The following N4BP2L1 variants were observed in gnomAD, a reference collection of about 807,000 sequenced individuals.
N4BP2L1 encodes the protein NEDD4-binding protein 2-like 1.
N4BP2L1 carries 12 observed loss-of-function variants against 21.2 expected under a neutral mutation model. That is an observed-to-expected ratio of 0.57 (90% CI 0.36 to 0.92). The LOEUF is 0.92. Ranked by LOEUF, N4BP2L1 falls within the 40% of genes least tolerant of loss-of-function variation. N4BP2L1 has a pLI of 0.01. For missense variants in N4BP2L1, 259 were observed against 310.6 expected (o/e 0.83, Z 1.25); for synonymous variants, 104 against 112.8 (o/e 0.92, Z 0.49).
chr13:32,410,944 A>C (rs7331638), intron 1 of N4BP2L1, among the ~76,000 whole-genome samples: 4,724 of 151,968 alleles, frequency 0.031, 265 homozygotes, highest in African/African-American at 0.11. Context: ...GTTTTTGAAC[A>C]TTTTCAGACT....
intron 1 of N4BP2L1, among the ~76,000 whole-genome samples, chr13:32,423,251 G>A (rs1001866163): frequency 6.6e-6 from 1 of 152,170 alleles, no homozygotes; most frequent in Non-Finnish European, 1.5e-5. Context: ...TTCTCATGAT[G>A]GAAAATTCCA....
rs1380631750 is a variant in N4BP2L1 at position 32,428,019 on chromosome 13, G to A, written c.64C>T (p.Arg22Trp). ...LSLQPQQQQQ[R>W]QRPPRPPPRG... is the part of the protein sequence containing the mutation. ...GGGGGCGGCCGGGGCGGCCGCTGCCGCTGCTGCTGCTGCTGGGGCTGGAGG... is the reference window on the plus strand; with the variant it reads ...GGGGGCGGCCGGGGCGGCCGCTGCCACTGCTGCTGCTGCTGGGGCTGGAGG... The change falls in exon 1 of 5, where the codon CGG (arginine) becomes TGG (tryptophan). Residue 22 changes from arginine (R) to tryptophan (W), a missense_variant. By Grantham distance (101) the Arg-to-Trp change is moderately radical. Coordinates refer to ENST00000380130, the MANE Select transcript of N4BP2L1 (RefSeq NM_052818.3). 1.3e-6 allele frequency: 2 copies of A among 1,523,542 alleles called. No homozygotes were observed. Among genetic ancestry groups the A allele is most frequent in the Non-Finnish European group, 8.8e-7 (1 of 1,134,278 alleles). The allele number at this position is 1,523,542 out of a possible 1,614,324, so 94.4% of individuals were successfully genotyped here.
At position 32,401,588 on chromosome 13, in the gene N4BP2L1, C is replaced by T. The variant is rs1269410623; in HGVS notation, c.*1354G>A. On this transcript the variant is annotated 3_prime_UTR_variant, in exon 5 of 5. Transcript: ENST00000380130. The stretch of plus-strand genomic sequence containing the variant: ...ATTATAAGGCTGCTTTTGTCATTAC[C>T]TTTACGATTCCTATTTATTAAAAAA... The T allele has an allele frequency of 2.0e-5, 3 of 152,304 alleles. No homozygotes were observed. The highest frequency in any genetic ancestry group is 7.3e-5 in the African/African-American group (3 of 41,374). 9.4% of individuals were successfully genotyped at this position (152,304 alleles called of 1,614,324 possible).
chr13:32,406,493 G>A (rs1157396876), intron 3 of N4BP2L1: 1 of 151,630 alleles, frequency 6.6e-6, no homozygotes, highest in African/African-American at 2.4e-5. Context: ...TTTTGAGATG[G>A]AATTTCACTC....
At chr13:32,417,258 G>T (rs1321306403) in intron 1 of N4BP2L1, among the ~76,000 whole-genome samples, 1 of 152,170 alleles carries the variant, frequency 6.6e-6, no homozygotes, top group Admixed American at 6.5e-5. Flanking sequence ...ATCTTTAATT[G>T]TAGTTCCCAT....
chr13:32,407,503 G>A, intron 2 of N4BP2L1, 142 bp downstream of exon 2: 1 of 1,583,246 alleles, frequency 6.3e-7, no homozygotes, highest in South Asian at 1.1e-5. Flanking sequence ...ATCTAAGGAG[G>A]TTATGCTCTG....
chr13:32,420,176 T>A (rs1286848225), intron 1 of N4BP2L1, among the ~76,000 whole-genome samples: 1 of 152,206 alleles, frequency 6.6e-6, no homozygotes, highest in Non-Finnish European at 1.5e-5. Flanking sequence ...GTTCATGAGG[T>A]CCAAAGCCAG....
chr13:32,414,193 T>G (rs1234436039), intron 1 of N4BP2L1, among the ~76,000 whole-genome samples: 1 of 152,164 alleles, frequency 6.6e-6, no homozygotes, highest in Non-Finnish European at 1.5e-5. Context: ...AACCAAGCAT[T>G]TTTTCATAGC....
intron 3 of N4BP2L1, among the ~76,000 whole-genome samples, chr13:32,406,236 T>C (rs1051894464): frequency 1.3e-5 from 2 of 151,876 alleles, no homozygotes; most frequent in Middle Eastern, 3.2e-3. Flanking sequence ...TGGTTCTGGA[T>C]CCTTCCTCCT....
chr13:32,425,629 A>T (rs1192238183), intron 1 of N4BP2L1: 2 of 152,240 alleles, frequency 1.3e-5, no homozygotes, highest in African/African-American at 4.8e-5. Flanking sequence ...TTTAACAGAA[A>T]AGGAAACCGA....
rs147606822 is a variant in N4BP2L1, at chr13:32,413,702, A to G, written c.180-5930T>C. ...TCTTTACATCTATTTCTCTGATCAC[A>G]AAACAAAAAAAGTGCAAAAAAGGAG... On this transcript the variant is annotated intron_variant, in intron 1 of 4. Coordinates refer to ENST00000380130, the MANE Select transcript of N4BP2L1 (RefSeq NM_052818.3). Among the ~76,000 whole-genome samples, 997 of 152,274 alleles carry G rather than the reference A, an allele frequency of 6.5e-3. 5 individuals are homozygous for G. Among genetic ancestry groups the G allele is most frequent in the Non-Finnish European group, 0.01 (688 of 68,016 alleles).
At chr13:32,420,781 C>T (rs993919458) in intron 1 of N4BP2L1, among the ~76,000 whole-genome samples, 2 of 152,294 alleles carry the variant, frequency 1.3e-5, no homozygotes, top group African/African-American at 2.4e-5. Flanking sequence ...GCAACTTCCA[C>T]CTCCCAGGTT....
rs1216127443 is a variant in N4BP2L1 at position 32,402,351 on chromosome 13, AAAG to A, written c.*588_*590del. On this transcript the variant is annotated 3_prime_UTR_variant, in exon 5 of 5. Coordinates refer to ENST00000380130, the MANE Select transcript of N4BP2L1 (RefSeq NM_052818.3). ...TTTAACAATGATACATCATTAAAAT[AAAG>A]AAATAACTTCCCAAAGTGTCTACTT... The A allele has an allele frequency of 1.1e-5, 7 of 620,722 alleles. No individual in the cohort carries two copies. The East Asian group carries it at 7.0e-4, about 62-fold the overall frequency. The allele number at this position is 620,722 out of a possible 1,614,324, so 38.5% of individuals were successfully genotyped here.
intron 1 of N4BP2L1, among the ~76,000 whole-genome samples, chr13:32,420,914 C>T (rs544282003): frequency 6.6e-6 from 1 of 151,932 alleles, no homozygotes; most frequent in Admixed American, 6.6e-5. Flanking sequence ...AGGATGGTCT[C>T]GAACTCCTGA....
At chr13:32,403,721 G>C (rs1252359137) in intron 4 of N4BP2L1, 1 of 536,168 alleles carries the variant, frequency 1.9e-6, no homozygotes, top group South Asian at 1.4e-5. Context: ...AGGCAATTCT[G>C]ATGGAGTAGT....
intron 1 of N4BP2L1, among the ~76,000 whole-genome samples, chr13:32,423,942 C>T (rs555592299): frequency 3.3e-5 from 5 of 152,204 alleles, no homozygotes; most frequent in Admixed American, 6.5e-5. Context: ...TGGTCAAAAC[C>T]GGAAGGCATT....
Position 32,427,904 on chromosome 13 carries a change from C to T in N4BP2L1, c.179G>A (p.Arg60Lys). Residue 60 changes from arginine to lysine, a missense_variant and splice_region_variant, in exon 1 of 5, where the codon AGA becomes AAA. Arg to Lys is a conservative substitution (Grantham distance 26). Transcript: ENST00000380130. ...LPGSGKTTLA[R>K]QLQHDFPRAL... ...CCGGCGCCCAGACCGCTGTCATTACCTGGCCAGTGTAGTTTTCCCGGAGCC... is the reference window on the plus strand; with the variant it reads ...CCGGCGCCCAGACCGCTGTCATTACTTGGCCAGTGTAGTTTTCCCGGAGCC... 1 of 1,503,630 alleles carries T rather than the reference C, an allele frequency of 6.7e-7. No homozygotes were observed. Among genetic ancestry groups the T allele is most frequent in the Non-Finnish European group, 8.9e-7 (1 of 1,125,794 alleles). 93.1% of individuals were successfully genotyped at this position (1,503,630 alleles called of 1,614,324 possible).
intron 1 of N4BP2L1, chr13:32,425,190 T>C (rs1209368770): frequency 6.6e-6 from 1 of 152,246 alleles, no homozygotes; most frequent in African/African-American, 2.4e-5. Flanking sequence ...ATTTGCTCTT[T>C]TCTTCTTCCC....
rs1172973253 is a variant in N4BP2L1 at position 32,401,574 on chromosome 13, G to T, written c.*1368C>A. On this transcript the variant is annotated 3_prime_UTR_variant, in exon 5 of 5. Transcript: ENST00000380130. ...ATATAAGCAACTAAATTATAAGGCT[G>T]CTTTTGTCATTACCTTTACGATTCC... 6.6e-6 allele frequency: 1 copy of T among 152,358 alleles called. No individual in the cohort carries two copies. Among genetic ancestry groups the T allele is most frequent in the Admixed American group, 6.6e-5 (1 of 15,240 alleles). The allele number at this position is 152,358 out of a possible 1,614,324, so 9.4% of individuals were successfully genotyped here. A position where few individuals can be genotyped will look rare whatever the true frequency, so the allele number is the denominator to read the frequency against.
Sources: allele counts gnomAD v4.1 joint callset (sites outside exome capture counted in the v4.1 genomes callset), GRCh38; gene constraint gnomAD v4.1.1; transcripts MANE v1.5; gene names NCBI Gene and HGNC (gene_info 2026-07-23, HGNC 2026-07-21).